AGRN: variants seen among roughly 807,000 people sequenced by gnomAD.
AGRN encodes the protein agrin.
AGRN carries 106 observed loss-of-function variants against 211.0 expected under a neutral mutation model. The ratio of observed to expected loss-of-function variants is 0.50; its 90% confidence interval spans 0.43 to 0.59. The LOEUF (loss-of-function observed/expected upper bound fraction) is 0.59, where lower values mean the gene tolerates loss of function less well. AGRN is among the 20% of genes least tolerant of loss of function. The probability of loss-of-function intolerance (pLI) is 0.00; values close to 1 mark genes in which losing one functional copy is unlikely to be tolerated. For missense variants in AGRN, 3,040 were observed against 2,982.6 expected (o/e 1.02, Z -0.45); for synonymous variants, 1,525 against 1,332.5 (o/e 1.14, Z -3.15).
chr1:1,046,813 TC>T lies in AGRN; in HGVS notation c.3251-3del. ...CCAGAGCCTGGGCTCAGAGCGCGTC[TC>T]CCCAGGGCTCGAGCCCTTGGAGGGC... On this transcript the variant is annotated splice_polypyrimidine_tract_variant and splice_region_variant and intron_variant, in intron 18 of 35. Coordinates refer to ENST00000379370, the MANE Select transcript of AGRN (RefSeq NM_198576.4). The T allele has an allele frequency of 1.3e-6, 2 of 1,578,286 alleles. No individual in the cohort carries two copies. Among genetic ancestry groups the T allele is most frequent in the Non-Finnish European group, 8.6e-7 (1 of 1,166,732 alleles).
rs1277986773 is a variant in AGRN at position 1,047,807 on chromosome 1, G to T, written c.3663G>T (p.Arg1221=). The change falls in exon 22 of 36, where the codon CGG becomes CGT. Residue 1221 remains arginine (R), a synonymous_variant. Transcript: ENST00000379370. Reference sequence around the variant, plus strand: ...CCTTCAGGGCACCCGACGTGGCCCGGGCCCTGCTCCGGCAGATCCAGGTGT... The same window carrying T: ...CCTTCAGGGCACCCGACGTGGCCCGTGCCCTGCTCCGGCAGATCCAGGTGT... The part of the protein sequence containing the change: ...TTAFRAPDVA[R]ALLRQIQVSR... The T allele has an allele frequency of 6.2e-7, 1 of 1,604,186 alleles. No individual in the cohort carries two copies. The highest frequency in any genetic ancestry group is 1.1e-5 in the South Asian group (1 of 90,132).
rs149268246 is a variant in AGRN at position 1,047,588 on chromosome 1, C to G, written c.3532C>G (p.Arg1178Gly). ...CCTGCCACAGCTGGACGACCTCTTC[C>G]GGAATTCAGACGTCAAGAAGGATTT... The part of the protein sequence containing the change: ...SIESTLDDLF[R>G]NSDVKKDFRS... The change falls in exon 21 of 36, where the codon CGG becomes GGG. Residue 1178 changes from arginine to glycine, a missense_variant. By Grantham distance (125) the Arg-to-Gly change is moderately radical (BLOSUM62 -2). Coordinates refer to ENST00000379370, the MANE Select transcript of AGRN (RefSeq NM_198576.4). 1.9e-6 allele frequency: 3 copies of G among 1,612,846 alleles called. No individual in the cohort carries two copies. Among genetic ancestry groups the G allele is most frequent in the African/African-American group, 1.3e-5 (1 of 74,944 alleles).
chr1:1,027,232 G>A (rs1557685802), intron 2 of AGRN, among the ~76,000 whole-genome samples: 1 of 152,234 alleles, frequency 6.6e-6, no homozygotes, highest in South Asian at 2.1e-4. Flanking sequence ...CTGCGTGTGT[G>A]CATGTGTTTG....
At position 1,032,318 on chromosome 1, in the gene AGRN, G is replaced by A. The variant is rs1188999772; in HGVS notation, c.464-2959G>A. On this transcript the variant is annotated intron_variant, in intron 2 of 35. Transcript: ENST00000379370. This position sits in a 1 kb window ranked among gnomAD's most constrained non-coding sequence, Gnocchi z 4.7. ...TGGGGCATGGTGCTGGTCCCTGGCTGTGGGGTGGAAAGGAGTCCCAAGAGA... is the reference window on the plus strand; with the variant it reads ...TGGGGCATGGTGCTGGTCCCTGGCTATGGGGTGGAAAGGAGTCCCAAGAGA... Among the ~76,000 whole-genome samples the A allele has an allele frequency of 6.6e-6, 1 of 152,224 alleles. No individual in the cohort carries two copies. The highest frequency in any genetic ancestry group is 1.5e-5 in the Non-Finnish European group (1 of 68,040).
At chr1:1,028,443 C>T (rs1323240513) in intron 2 of AGRN, among the ~76,000 whole-genome samples, 3 of 151,858 alleles carry the variant, frequency 2.0e-5, no homozygotes, top group African/African-American at 4.8e-5. Context: ...CGGAAGTCAG[C>T]GTCTGCATTC....
At chr1:1,050,877 T>C in intron 30 of AGRN, 40 bp downstream of exon 30, 1 of 1,525,816 alleles carries the variant, frequency 6.6e-7, no homozygotes, top group South Asian at 1.2e-5. Flanking sequence ...CGCTGCTGCC[T>C]GCTCTTCCTC....
rs1171152640 is a variant in AGRN, at chr1:1,044,030, CG to C, written c.1999+12del. 6.2e-7 allele frequency: 1 copy of C among 1,610,370 alleles called. No individual in the cohort carries two copies. Among genetic ancestry groups the C allele is most frequent in the Non-Finnish European group, 8.5e-7 (1 of 1,179,550 alleles). On this transcript the variant is annotated splice_region_variant and intron_variant, in intron 10 of 35. Coordinates refer to ENST00000379370, the MANE Select transcript of AGRN (RefSeq NM_198576.4). ...GCAGGGCCGTGCGAGCAGGGTAGGCCGGGGGACGCTGGCGAAAACTGCTGGG... is the reference window on the plus strand; with the variant it reads ...GCAGGGCCGTGCGAGCAGGGTAGGCCGGGGACGCTGGCGAAAACTGCTGGG...
intron 33 of AGRN, chr1:1,052,543 GTA>G (rs1236670348): frequency 9.0e-6 from 2 of 221,408 alleles, no homozygotes; most frequent in African/African-American, 4.7e-5. Flanking sequence ...ATGGGTCCAT[GTA>G]TGTGTGTGTA....
chr1:1,046,701 C>T lies in AGRN; in HGVS notation c.3216C>T (p.Ser1072=), dbSNP rs778747158. The part of the protein sequence containing the change: ...STDGSSDEEL[S]GDQEASGGGS... ...ATGGAAGCAGCGATGAGGAACTGAGCGGGGACCAGGAGGCCAGTGGGGGTG... is the reference window on the plus strand; with the variant it reads ...ATGGAAGCAGCGATGAGGAACTGAGTGGGGACCAGGAGGCCAGTGGGGGTG... Residue 1072 remains serine, a synonymous_variant, in exon 18 of 36, where the codon AGC becomes AGT. Transcript: ENST00000379370. 2.8e-5 allele frequency: 45 copies of T among 1,581,614 alleles called. No homozygotes were observed. Among genetic ancestry groups the T allele is most frequent in the South Asian group, 5.6e-5 (5 of 88,632 alleles).
rs1333774861 is a variant in AGRN, at chr1:1,043,699, A to G, written c.1765A>G (p.Ile589Val). The change falls in exon 9 of 36, where the codon ATC (isoleucine) becomes GTC (valine). Residue 589 changes from isoleucine (I) to valine (V), a missense_variant. This residue lies in a region of AGRN where 1,498 missense variants were observed against 1,457.8 expected (regional missense o/e 1.03). Coordinates refer to ENST00000379370, the MANE Select transcript of AGRN (RefSeq NM_198576.4). ...MLHVHACTHQ[I>V]SLHVASAGPC... ...GCACGTGCACGCCTGCACACACCAG[A>G]TCAGCCTGCACGTGGCCTCAGCTGG... 1 of 1,600,702 alleles carries G rather than the reference A, an allele frequency of 6.2e-7. No individual in the cohort carries two copies. Among genetic ancestry groups the G allele is most frequent in the Non-Finnish European group, 8.5e-7 (1 of 1,179,742 alleles).
intron 2 of AGRN, 54 bp downstream of exon 2, chr1:1,022,516 G>T: frequency 6.4e-7 from 1 of 1,565,184 alleles, no homozygotes; most frequent in Admixed American, 1.8e-5. Context: ...CAGTGGCCAA[G>T]GGGGACAGGT....
chr1:1,022,501 C>T, intron 2 of AGRN, 39 bp downstream of exon 2: 1 of 1,581,796 alleles, frequency 6.3e-7, no homozygotes, highest in Non-Finnish European at 8.6e-7. Context: ...CTGTGGGGGT[C>T]AGGGCAGTGG....
rs1031786119 is a variant in AGRN at position 1,031,838 on chromosome 1, G to A, written c.464-3439G>A. On this transcript the variant is annotated intron_variant, in intron 2 of 35. Coordinates refer to ENST00000379370, the MANE Select transcript of AGRN (RefSeq NM_198576.4). The surrounding 1 kb of genome is among the most constrained non-coding windows in gnomAD (Gnocchi z 4.8). The stretch of plus-strand genomic sequence containing the variant: ...GTGGTGGCAGCAGGCGGGCTGGCGC[G>A]TGACCTGGTAGCACGGCCTGGGTTT... 1.3e-5 allele frequency among the ~76,000 whole-genome samples: 2 copies of A among 152,220 alleles called. No homozygotes were observed. Among genetic ancestry groups the A allele is most frequent in the Non-Finnish European group, 2.9e-5 (2 of 68,028 alleles).
intron 1 of AGRN, among the ~76,000 whole-genome samples, chr1:1,021,392 G>A (rs1457793815): frequency 6.6e-6 from 1 of 152,218 alleles, no homozygotes; most frequent in Non-Finnish European, 1.5e-5. Flanking sequence ...CTCTGCCTGC[G>A]CAACTGGAGG....
rs113184997 is a variant in AGRN, at chr1:1,040,756, G to C, written c.603G>C (p.Pro201=). The C allele has an allele frequency of 1.3e-6, 2 of 1,542,596 alleles. No homozygotes were observed. Among genetic ancestry groups the C allele is most frequent in the Non-Finnish European group, 1.7e-6 (2 of 1,147,292 alleles). ...CGTCCTGCGTCTGCAAGAAGAGCCCGTGCCCCAGCGTGGTGGCGCCTGTGT... is the reference window on the plus strand; with the variant it reads ...CGTCCTGCGTCTGCAAGAAGAGCCCCTGCCCCAGCGTGGTGGCGCCTGTGT... ...GRASCVCKKS[P]CPSVVAPVCG... The change falls in exon 4 of 36, where the codon CCG becomes CCC. Residue 201 remains proline (P), a synonymous_variant. Transcript: ENST00000379370.
intron 1 of AGRN, 93 bp downstream of exon 1, chr1:1,020,466 C>T (rs2100556320): frequency 7.2e-6 from 9 of 1,245,284 alleles, no homozygotes; most frequent in Middle Eastern, 5.6e-4. Context: ...CCGGTCGCTC[C>T]GCAGCCCCCG....
intron 33 of AGRN, chr1:1,052,652 T>C (rs946445172): frequency 4.7e-5 from 8 of 171,094 alleles, no homozygotes; most frequent in African/African-American, 7.6e-5. Context: ...TGTGTGTCCG[T>C]GTGTGTGCAT....
chr1:1,054,071 G>A lies in AGRN; in HGVS notation c.5876+94G>A. On this transcript the variant is annotated intron_variant, in intron 34 of 35. Coordinates refer to ENST00000379370, the MANE Select transcript of AGRN (RefSeq NM_198576.4). The stretch of plus-strand genomic sequence containing the variant: ...TCCAGTCACTTGTGACCAGGGGTCA[G>A]GGAGGACACGCCTTGCTGCCTGAGC... 2.2e-6 allele frequency: 3 copies of A among 1,351,844 alleles called. No homozygotes were observed. The South Asian group carries it at 3.8e-5, about 17-fold the overall frequency. The allele number at this position is 1,351,844 out of a possible 1,614,324, so 83.7% of individuals were successfully genotyped here. A position where few individuals can be genotyped will look rare whatever the true frequency, so the allele number is the denominator to read the frequency against.
At chr1:1,037,793 T>A (rs1644836083) in intron 3 of AGRN, among the ~76,000 whole-genome samples, 1 of 152,108 alleles carries the variant, frequency 6.6e-6, no homozygotes, top group Non-Finnish European at 1.5e-5. Context: ...TGTGGCCTTG[T>A]CAGGTGGCCT....
Sources: allele counts gnomAD v4.1 joint callset (sites outside exome capture counted in the v4.1 genomes callset), GRCh38; gene constraint gnomAD v4.1.1; regional missense constraint gnomAD v4.1.1; non-coding constraint Gnocchi (gnomAD v3.1); transcripts MANE v1.5; gene names NCBI Gene and HGNC (gene_info 2026-07-23, HGNC 2026-07-21).